PIK3C2A: variants seen among roughly 807,000 people sequenced by gnomAD.
PIK3C2A encodes phosphatidylinositol-4-phosphate 3-kinase catalytic subunit type 2 alpha.
PIK3C2A carries 97 observed loss-of-function variants against 204.5 expected under a neutral mutation model. The ratio of observed to expected loss-of-function variants is 0.47; its 90% CI spans 0.40 to 0.56. The LOEUF is 0.56. Ranked by LOEUF, PIK3C2A falls within the 20% of genes least tolerant of loss-of-function variation. The pLI, the probability that PIK3C2A is intolerant of heterozygous loss-of-function variation, is 0.00. For synonymous variants in PIK3C2A, 653 were observed against 664.4 expected, an observed-to-expected ratio of 0.98 and a Z score of 0.26; for missense variants, 1,735 against 1,969.2, an observed-to-expected ratio of 0.88 and a Z score of 2.25.
At chr11:17,130,816 A>G (rs868836737) in intron 12 of PIK3C2A, among the ~76,000 whole-genome samples, 3 of 151,828 alleles carry the variant, frequency 2.0e-5, no homozygotes, top group Admixed American at 6.6e-5. Context: ...CAAAAAAAAA[A>G]AAAAAAGAAA....
chr11:17,192,157 AAATT>A (rs1244213965), intron 1 of PIK3C2A, among the ~76,000 whole-genome samples: 1 of 152,098 alleles, frequency 6.6e-6, no homozygotes, highest in Non-Finnish European at 1.5e-5. Flanking sequence ...ATAAATAAAT[AAATT>A]AATAATGCAG....
At chr11:17,173,248 C>T (rs1286871734) in intron 1 of PIK3C2A, among the ~76,000 whole-genome samples, 5 of 152,156 alleles carry the variant, frequency 3.3e-5, no homozygotes, top group African/African-American at 1.2e-4. Flanking sequence ...CTTTATCCCA[C>T]ATAGTTAATT....
chr11:17,112,286 T>A (rs1297272801), intron 21 of PIK3C2A, among the ~76,000 whole-genome samples: 1 of 151,898 alleles, frequency 6.6e-6, no homozygotes, highest in East Asian at 1.9e-4. Flanking sequence ...ACCCCGTCTC[T>A]ACTAAAAAAT....
At chr11:17,127,112 T>C (rs927201223) in intron 13 of PIK3C2A, among the ~76,000 whole-genome samples, 1 of 152,152 alleles carries the variant, frequency 6.6e-6, no homozygotes, top group Non-Finnish European at 1.5e-5. Flanking sequence ...ATGTATTATA[T>C]TTAGCAAAAG....
At chr11:17,116,020 AC>A (rs1421337701) in intron 19 of PIK3C2A, among the ~76,000 whole-genome samples, 1 of 152,200 alleles carries the variant, frequency 6.6e-6, no homozygotes, top group African/African-American at 2.4e-5. Context: ...AGCATGAGCC[AC>A]AAAAGAAAAA....
chr11:17,096,404 T>C (rs928281779), intron 27 of PIK3C2A, among the ~76,000 whole-genome samples: 2 of 152,196 alleles, frequency 1.3e-5, no homozygotes, highest in African/African-American at 2.4e-5. Flanking sequence ...AGGATCTATC[T>C]ATAGCAGGCC....
intron 26 of PIK3C2A, among the ~76,000 whole-genome samples, chr11:17,098,825 G>A (rs1848530878): frequency 6.6e-6 from 1 of 152,162 alleles, no homozygotes; most frequent in South Asian, 2.1e-4. Context: ...CCCTGCTGTG[G>A]TATTGTGATG....
intron 1 of PIK3C2A, among the ~76,000 whole-genome samples, chr11:17,202,487 T>A (rs1314006689): frequency 6.6e-6 from 1 of 151,316 alleles, no homozygotes; most frequent in Non-Finnish European, 1.5e-5. Context: ...GGTGGGAGAA[T>A]CACCCAAGTG....
At chr11:17,133,603 C>G (rs1212507595) in intron 11 of PIK3C2A, among the ~76,000 whole-genome samples, 1 of 152,084 alleles carries the variant, frequency 6.6e-6, no homozygotes, top group Non-Finnish European at 1.5e-5. Context: ...ATATTTCTGA[C>G]TTTTCAGTTC....
At chr11:17,196,660 C>T (rs959112613) in intron 1 of PIK3C2A, among the ~76,000 whole-genome samples, 1 of 152,090 alleles carries the variant, frequency 6.6e-6, no homozygotes, top group Non-Finnish European at 1.5e-5. Context: ...AGCTCCGCCT[C>T]CCGGGTTCAC....
intron 1 of PIK3C2A, among the ~76,000 whole-genome samples, chr11:17,198,844 C>T (rs1006223240): frequency 3.3e-5 from 5 of 151,912 alleles, no homozygotes; most frequent in African/African-American, 4.8e-5. Flanking sequence ...TTAGTCTGGG[C>T]GCAGTGGCTT....
At chr11:17,193,879 A>AGGGGAGGGG (rs1852037463) in intron 1 of PIK3C2A, 1 of 122,176 alleles carries the variant, frequency 8.2e-6, no homozygotes. Context: ...AAAGAAAAGA[A>AGGGGAGGGG]AAGAAAAGAA....
chr11:17,179,172 T>C (rs530661), intron 1 of PIK3C2A, among the ~76,000 whole-genome samples: 45 of 151,992 alleles, frequency 3.0e-4, no homozygotes, highest in Non-Finnish European at 1.2e-4. Context: ...GCCTATTTAT[T>C]TATTTTGAAG....
intron 2 of PIK3C2A, among the ~76,000 whole-genome samples, 189 bp downstream of exon 2, chr11:17,168,488 G>A (rs1851045023): frequency 6.6e-6 from 1 of 152,136 alleles, no homozygotes; most frequent in African/African-American, 2.4e-5. Flanking sequence ...GGCTGAGGCA[G>A]GAGAAGGGTG....
Position 17,169,105 on chromosome 11 carries a change from G to A in PIK3C2A, c.637C>T (p.Pro213Ser), listed in dbSNP as rs1851070524. ...GTACTGACTACTGGACGATAGATAG[G>A]TAAGCTTCCTTGTGGATGAAAGGGT... ...ATPFHPQGSLPIYRPVVSTDM... is the reference protein window; with the variant it reads ...ATPFHPQGSLSIYRPVVSTDM... Residue 213 changes from proline to serine, a missense_variant, in exon 2 of 33, where the codon CCT becomes TCT. Physicochemically the swap from Pro to Ser is moderately conservative, Grantham distance 74. Coordinates refer to ENST00000691414, the MANE Select transcript of PIK3C2A (RefSeq NM_002645.4). 3 of 1,614,204 alleles carry A rather than the reference G, an allele frequency of 1.9e-6. No individual in the cohort carries two copies. Among genetic ancestry groups the A allele is most frequent in the Non-Finnish European group, 2.5e-6 (3 of 1,180,022 alleles).
In PIK3C2A at chr11:17,122,347, CAG is replaced by C; in HGVS notation, c.2512-16_2512-15del. 6.7e-7 allele frequency: 1 copy of C among 1,483,410 alleles called. No individual in the cohort carries two copies. Among genetic ancestry groups the C allele is most frequent in the South Asian group, 1.2e-5 (1 of 85,396 alleles). 91.9% of individuals were successfully genotyped at this position (1,483,410 alleles called of 1,614,324 possible). A position where few individuals can be genotyped will look rare whatever the true frequency, so the allele number is the denominator to read the frequency against. On this transcript the variant is annotated splice_polypyrimidine_tract_variant and intron_variant, in intron 14 of 32. Coordinates refer to ENST00000691414, the MANE Select transcript of PIK3C2A (RefSeq NM_002645.4). ...AGGAAAATCAACCTTTAAAATTTAA[CAG>C]AAATTGATCAAATTACAGTCTACGT...
chr11:17,114,080 A>AAAATAAATAAATAAATAAATAAATAAAT lies in PIK3C2A; in HGVS notation c.3321+253_3321+280dup, dbSNP rs371798912. 5.8e-4 allele frequency among the ~76,000 whole-genome samples: 83 copies of AAAATAAATAAATAAATAAATAAATAAAT among 143,384 alleles called. 1 individual carries two copies. The highest frequency in any genetic ancestry group is 7.1e-4 in the Non-Finnish European group (47 of 66,030). 94.1% of individuals were successfully genotyped at this position (143,384 alleles called of 152,430 possible). On this transcript the variant is annotated intron_variant, in intron 20 of 32. Coordinates refer to ENST00000691414, the MANE Select transcript of PIK3C2A (RefSeq NM_002645.4). ...GGGCAAGAGTGAGACTTTGTCTCAA[A>AAAATAAATAAATAAATAAATAAATAAAT]AAATAAATAAATAAATAAATAAATA...
chr11:17,130,733 G>T (rs777600286), intron 12 of PIK3C2A, among the ~76,000 whole-genome samples: 9 of 148,940 alleles, frequency 6.0e-5, no homozygotes, highest in African/African-American at 9.9e-5. Flanking sequence ...CTTGAACCCG[G>T]GAAGCTGAGG....
chr11:17,159,296 T>C (rs544639706), intron 2 of PIK3C2A, among the ~76,000 whole-genome samples: 1 of 152,334 alleles, frequency 6.6e-6, no homozygotes, highest in South Asian at 2.1e-4. Context: ...CCTCACACTG[T>C]ATAACCACAC....
Sources: allele counts gnomAD v4.1 joint callset (sites outside exome capture counted in the v4.1 genomes callset), GRCh38; gene constraint gnomAD v4.1.1; transcripts MANE v1.5; gene names NCBI Gene and HGNC (gene_info 2026-07-23, HGNC 2026-07-21).